The following GABPB1 variants were observed in gnomAD, a reference collection of about 807,000 sequenced individuals.
GABPB1 encodes the protein GA binding protein transcription factor subunit beta 1.
GABPB1 carries 15 observed loss-of-function variants against 45.9 expected under a neutral mutation model. The ratio of observed to expected loss-of-function variants is 0.33; its 90% CI spans 0.22 to 0.50. The LOEUF is 0.50. Among genes scored for constraint, GABPB1 ranks in the 20% least tolerant of loss-of-function variants. The pLI is 0.98. For missense variants in GABPB1, 252 were observed against 457.5 expected (o/e 0.55, Z 4.10); for synonymous variants, 143 against 154.4 (o/e 0.93, Z 0.55).
At chr15:50,309,889 G>T in intron 1 of GABPB1, 91 bp from the exon 2 acceptor site, 1 of 757,338 alleles carries the variant, frequency 1.3e-6, no homozygotes. Context: ...TAATAAGTCA[G>T]TTCTCAATTA....
At chr15:50,333,224 G>A (rs1234788671) in intron 1 of GABPB1, among the ~76,000 whole-genome samples, 1 of 152,154 alleles carries the variant, frequency 6.6e-6, no homozygotes, top group Non-Finnish European at 1.5e-5. Flanking sequence ...CCAGCAGTCT[G>A]TAGGACTGAG....
intron 8 of GABPB1, among the ~76,000 whole-genome samples, chr15:50,279,311 T>G (rs2045904400): frequency 6.6e-6 from 1 of 152,206 alleles, no homozygotes; most frequent in Non-Finnish European, 1.5e-5. Context: ...CAAGGTCACA[T>G]AGTAAGAAGT....
intron 2 of GABPB1, among the ~76,000 whole-genome samples, chr15:50,307,767 A>C (rs2141043115): frequency 6.6e-6 from 1 of 152,086 alleles, no homozygotes; most frequent in African/African-American, 2.4e-5. Flanking sequence ...ATCTAGATAT[A>C]GATTAGTTTT....
intron 1 of GABPB1, chr15:50,352,758 G>A (rs1001022136): frequency 3.3e-5 from 5 of 152,246 alleles, no homozygotes; most frequent in Non-Finnish European, 7.3e-5. Context: ...TGATGGAACA[G>A]TAGAGAACTA....
At chr15:50,312,705 T>C (rs1458850784) in intron 1 of GABPB1, among the ~76,000 whole-genome samples, 1 of 152,230 alleles carries the variant, frequency 6.6e-6, no homozygotes, top group Non-Finnish European at 1.5e-5. Context: ...AATTTATCTT[T>C]CCAAAAATCT....
chr15:50,332,213 C>G (rs143186123), intron 1 of GABPB1, among the ~76,000 whole-genome samples: 108 of 152,102 alleles, frequency 7.1e-4, no homozygotes, highest in African/African-American at 2.5e-3. Flanking sequence ...TTGTTGCTGC[C>G]TTCTTTCCCC....
rs116839293 is a variant in GABPB1, at chr15:50,282,423, C to T, written c.1000-3639G>A. The T allele has an allele frequency of 3.8e-3, 1,413 of 371,868 alleles. 14 individuals carry two copies. The highest frequency in any genetic ancestry group is 0.029 in the African/African-American group (1,311 of 45,490). 23.0% of individuals were successfully genotyped at this position (371,868 alleles called of 1,614,324 possible). ...AAATAAAAATAAAAATAAACTTAGCCGGGTATAGCGGTCCCAGCTGCTTGG... is the reference window on the plus strand; with the variant it reads ...AAATAAAAATAAAAATAAACTTAGCTGGGTATAGCGGTCCCAGCTGCTTGG... On this transcript the variant is annotated intron_variant, in intron 8 of 8. Coordinates refer to ENST00000380877, the MANE Select transcript of GABPB1 (RefSeq NM_016654.5).
chr15:50,298,077 TGTTTTTGTTTTC>T (rs1331860198), intron 6 of GABPB1, among the ~76,000 whole-genome samples: 5 of 152,146 alleles, frequency 3.3e-5, no homozygotes, highest in South Asian at 2.1e-4. Context: ...CAGATATATG[TGTTTTTGTTTTC>T]GTTTTTGTTT....
At chr15:50,301,232 G>A in intron 5 of GABPB1, 25 bp downstream of exon 5, 2 of 1,613,666 alleles carry the variant, frequency 1.2e-6, no homozygotes, top group African/African-American at 2.7e-5. Context: ...TGTTGCCTTG[G>A]ATGAATTTTC....
intron 1 of GABPB1, chr15:50,346,450 AG>A (rs1247079337): frequency 6.6e-6 from 1 of 152,236 alleles, no homozygotes; most frequent in African/African-American, 2.4e-5. Flanking sequence ...ACAGGAGTCC[AG>A]TAAAATATAA....
At chr15:50,330,718 T>C (rs2047919423) in intron 1 of GABPB1, among the ~76,000 whole-genome samples, 3 of 152,354 alleles carry the variant, frequency 2.0e-5, no homozygotes, top group African/African-American at 7.2e-5. Flanking sequence ...CCAACAAAAC[T>C]TTCTAAGATG....
intron 1 of GABPB1, chr15:50,327,452 T>C (rs1296358419): frequency 6.6e-6 from 1 of 152,196 alleles, no homozygotes; most frequent in Non-Finnish European, 1.5e-5. Context: ...AATACAATTG[T>C]ATTCAATCAA....
At chr15:50,340,403 C>G (rs555837130) in intron 1 of GABPB1, among the ~76,000 whole-genome samples, 12 of 152,198 alleles carry the variant, frequency 7.9e-5, no homozygotes, top group African/African-American at 2.6e-4. Context: ...AAAGCCCAAA[C>G]ACAGAAATGT....
At chr15:50,354,673 G>A (rs1039704496) in intron 1 of GABPB1, 41 of 420,302 alleles carry the variant, frequency 9.8e-5, no homozygotes, top group African/African-American at 6.3e-4. Flanking sequence ...GGCAAGCCGG[G>A]TAGCCGCGAG....
intron 1 of GABPB1, among the ~76,000 whole-genome samples, chr15:50,326,476 G>C (rs2047768119): frequency 6.6e-6 from 1 of 151,842 alleles, no homozygotes; most frequent in African/African-American, 2.4e-5. Context: ...TGGCCAACAT[G>C]GTGAAACCCC....
intron 8 of GABPB1, 81 bp from the exon 9 acceptor site, chr15:50,278,865 A>G: frequency 1.4e-6 from 1 of 695,374 alleles, no homozygotes; most frequent in Non-Finnish European, 2.0e-6. Context: ...CCTTCAAATT[A>G]AAAAAAAAAA....
chr15:50,333,357 G>A (rs2048007858), intron 1 of GABPB1, among the ~76,000 whole-genome samples: 1 of 152,124 alleles, frequency 6.6e-6, no homozygotes, highest in Admixed American at 6.5e-5. Context: ...CAGGTACTCA[G>A]GAGGCTGAGG....
At chr15:50,338,116 T>C (rs913628237) in intron 1 of GABPB1, among the ~76,000 whole-genome samples, 1 of 152,232 alleles carries the variant, frequency 6.6e-6, no homozygotes, top group African/African-American at 2.4e-5. Flanking sequence ...CTTGGCTCAC[T>C]GCAACCTCTG....
chr15:50,310,829 T>G lies in GABPB1; in HGVS notation c.1-1031A>C, dbSNP rs919589012. On this transcript the variant is annotated intron_variant, in intron 1 of 8. Transcript: ENST00000380877. ...CCTATCTCTACTAAAAATAAAAAAT[T>G]GGCTGGGCATGGGGGCTCACACCTA... Among the ~76,000 whole-genome samples, 10 of 151,926 alleles carry G rather than the reference T, an allele frequency of 6.6e-5. No homozygotes were observed. In the South Asian group the frequency reaches 2.1e-3, roughly 32 times the overall value.
Sources: allele counts gnomAD v4.1 joint callset (sites outside exome capture counted in the v4.1 genomes callset), GRCh38; gene constraint gnomAD v4.1.1; transcripts MANE v1.5; gene names NCBI Gene and HGNC (gene_info 2026-07-23, HGNC 2026-07-21).